Variants in KNSTRN observed in about 807,000 individuals in gnomAD.
The protein encoded by KNSTRN is small kinetochore-associated protein.
A neutral mutation model predicts 44.7 loss-of-function variants in KNSTRN; 38 were observed. The ratio of observed to expected loss-of-function variants is 0.85; its 90% CI spans 0.66 to 1.11. The LOEUF (loss-of-function observed/expected upper bound fraction) is 1.11. KNSTRN is among the 50% of genes most tolerant of loss of function. The pLI, the probability that KNSTRN is intolerant of heterozygous loss-of-function variation, is 0.00. For missense variants in KNSTRN, 406 were observed against 375.8 expected (o/e 1.08, Z -0.66); for synonymous variants, 158 against 148.1 (o/e 1.07, Z -0.48).
intron 4 of KNSTRN, chr15:40,389,163 T>TA: frequency 2.2e-6 from 1 of 459,322 alleles, no homozygotes; most frequent in South Asian, 1.6e-5. Flanking sequence ...CTTTTTTTTT[T>TA]AGACGGAGTT....
rs761530012 is a variant in KNSTRN, at chr15:40,389,884, C to T, written c.640C>T (p.Arg214Trp). The change falls in exon 6 of 9, where the codon CGG (arginine) becomes TGG (tryptophan). Residue 214 changes from arginine (R) to tryptophan (W), a missense_variant. Transcript: ENST00000249776. ...GAAGGTAGAGCTGCTGGAGAAGTTT[C>T]GGGACAACTGTTTGGCAATTTTGGA... is the stretch of plus-strand genomic sequence containing the variant. ...TQKVELLEKF[R>W]DNCLAILESK... is the part of the protein sequence containing the mutation. The T allele has an allele frequency of 9.3e-6, 15 of 1,614,048 alleles. No homozygotes were observed. Among genetic ancestry groups the T allele is most frequent in the Admixed American group, 6.7e-5 (4 of 60,002 alleles).
chr15:40,383,288 GC>G lies in KNSTRN; in HGVS notation c.276del (p.Ser93LeufsTer3), dbSNP rs746725876. The G allele has an allele frequency of 2.5e-6, 4 of 1,613,768 alleles. No individual in the cohort carries two copies. The South Asian group carries it at 4.4e-5, about 18-fold the overall frequency. ...SVVKTVYSLQ[P>X]PSALSGGQPA... ...TGGTTAAGACAGTGTATAGCCTGCA[GC>G]CCCCCTCTGCGCTGAGCGGCGGCCA... is the stretch of plus-strand genomic sequence containing the variant. On this transcript the variant is annotated frameshift_variant, in exon 2 of 9. Coordinates refer to ENST00000249776, the MANE Select transcript of KNSTRN (RefSeq NM_033286.4). LOFTEE classifies it high-confidence loss of function.
intron 2 of KNSTRN, chr15:40,384,647 A>C (rs576829459): frequency 2.8e-4 from 87 of 314,696 alleles, no homozygotes; most frequent in African/African-American, 1.8e-3. Context: ...CTTTATGATC[A>C]TATGTAACTG....
intron 6 of KNSTRN, 44 bp from the exon 7 acceptor site, chr15:40,391,449 G>T (rs996090953): frequency 4.7e-6 from 7 of 1,488,736 alleles, no homozygotes; most frequent in East Asian, 4.5e-5. Context: ...TTTGTTTAGG[G>T]TGTGTAGTTC....
intron 5 of KNSTRN, 46 bp from the exon 6 acceptor site, chr15:40,389,790 T>C: frequency 1.3e-6 from 2 of 1,576,148 alleles, no homozygotes; most frequent in Non-Finnish European, 8.7e-7. Context: ...CAACCACCCC[T>C]AGGGAGTTGG....
rs751499147 is a variant in KNSTRN, at chr15:40,383,023, G to A, written c.188G>A (p.Gly63Glu). 3 of 1,611,218 alleles carry A rather than the reference G, an allele frequency of 1.9e-6. No homozygotes were observed. The highest frequency in any genetic ancestry group is 2.2e-5 in the East Asian group (1 of 44,886). Residue 63 changes from glycine (G) to glutamate (E), a missense_variant, in exon 1 of 9, where the codon GGG (glycine) becomes GAG (glutamate). Coordinates refer to ENST00000249776, the MANE Select transcript of KNSTRN (RefSeq NM_033286.4). ...NLLNESEKDCGQDRRAPGVQP... is the reference protein window; with the variant it reads ...NLLNESEKDCEQDRRAPGVQP... ...TTAAACGAGAGCGAGAAGGACTGCG[G>A]GCAGGACCGGCGGGCTCCTGGGTTC...
chr15:40,383,384 G>A lies in KNSTRN; in HGVS notation c.304+62G>A, dbSNP rs1323293906. On this transcript the variant is annotated intron_variant, in intron 2 of 8. Coordinates refer to ENST00000249776, the MANE Select transcript of KNSTRN (RefSeq NM_033286.4). Reference sequence around the variant, plus strand: ...GGCCGGGGATGGTCTCGGGAGTGTGGAGATCGAATGGGTGGCGCGGGCACG... The same window carrying A: ...GGCCGGGGATGGTCTCGGGAGTGTGAAGATCGAATGGGTGGCGCGGGCACG... The A allele has an allele frequency of 3.8e-6, 5 of 1,309,962 alleles. No individual in the cohort carries two copies. The African/African-American group carries it at 5.8e-5, about 15-fold the overall frequency. 81.1% of individuals were successfully genotyped at this position (1,309,962 alleles called of 1,614,324 possible). A position where few individuals can be genotyped will look rare whatever the true frequency, so the allele number is the denominator to read the frequency against.
At chr15:40,389,231 C>T in intron 4 of KNSTRN, 1 of 481,324 alleles carries the variant, frequency 2.1e-6, no homozygotes, top group Non-Finnish European at 4.0e-6. Context: ...TCACCACAAC[C>T]TCCGCCTCCT....
chr15:40,382,781 T>G lies in KNSTRN; in HGVS notation c.-55T>G. 2.0e-6 allele frequency: 3 copies of G among 1,519,746 alleles called. No homozygotes were observed. The highest frequency in any genetic ancestry group is 1.8e-6 in the Non-Finnish European group (2 of 1,113,778). The allele number at this position is 1,519,746 out of a possible 1,614,324, so 94.1% of individuals were successfully genotyped here. On this transcript the variant is annotated 5_prime_UTR_variant, in exon 1 of 9. Transcript: ENST00000249776. ...TCCTCCTCTGCCCAGACCTGGGGGC[T>G]CCAACACCTTTCGCTAGGTCTGGCT... is the stretch of plus-strand genomic sequence containing the variant.
chr15:40,387,787 C>T (rs111754998), intron 4 of KNSTRN, among the ~76,000 whole-genome samples: 14,720 of 152,220 alleles, frequency 0.097, 990 homozygotes, highest in Non-Finnish European at 0.13. Flanking sequence ...GTGGGTGGAT[C>T]ACCTGAGGTC....
At chr15:40,385,373 CAAG>C (rs1362263464) in intron 2 of KNSTRN, among the ~76,000 whole-genome samples, 1 of 152,106 alleles carries the variant, frequency 6.6e-6, no homozygotes, top group African/African-American at 2.4e-5. Flanking sequence ...GGTTATCTGG[CAAG>C]AAGATCAGAT....
intron 2 of KNSTRN, among the ~76,000 whole-genome samples, chr15:40,385,283 G>A (rs183709635): frequency 3.3e-5 from 5 of 152,354 alleles, no homozygotes; most frequent in Non-Finnish European, 7.3e-5. Context: ...GATAGATTGT[G>A]TGGTTGCGGG....
At position 40,382,981 on chromosome 15, in the gene KNSTRN, T is replaced by C. The variant is rs1889836853; in HGVS notation, c.146T>C (p.Val49Ala). The C allele has an allele frequency of 6.2e-7, 1 of 1,612,042 alleles. No homozygotes were observed. The highest frequency in any genetic ancestry group is 1.3e-5 in the African/African-American group (1 of 74,866). Reference sequence around the variant, plus strand: ...GCCGACTTAGCCGGTGGCACGACAGTTGCTGCAGGGAATCTTTTAAACGAG... The same window carrying C: ...GCCGACTTAGCCGGTGGCACGACAGCTGCTGCAGGGAATCTTTTAAACGAG... ...QAADLAGGTT[V>A]AAGNLLNESE... Residue 49 changes from valine to alanine, a missense_variant, in exon 1 of 9, where the codon GTT becomes GCT. Physicochemically the swap from Val to Ala is moderately conservative, Grantham distance 64 (BLOSUM62 0). Transcript: ENST00000249776.
intron 2 of KNSTRN, 22 bp downstream of exon 2, chr15:40,383,344 G>C: frequency 6.3e-7 from 1 of 1,580,094 alleles, no homozygotes; most frequent in Non-Finnish European, 8.7e-7. Flanking sequence ...AGCCACGCCC[G>C]GGGCACTGCG....
intron 2 of KNSTRN, chr15:40,384,671 T>G (rs924315575): frequency 3.8e-6 from 1 of 263,258 alleles, no homozygotes; most frequent in Non-Finnish European, 7.8e-6. Context: ...CAGTTTCAAA[T>G]TTTTAGGCTG....
chr15:40,393,440 G>T (rs200872015), intron 8 of KNSTRN, 29 bp from the exon 9 acceptor site: 3 of 1,607,382 alleles, frequency 1.9e-6, no homozygotes, highest in African/African-American at 1.3e-5. Flanking sequence ...TGTATGTGTT[G>T]TTTTCTTTTG....
chr15:40,392,728 A>G (rs1890021529), intron 8 of KNSTRN, among the ~76,000 whole-genome samples: 1 of 152,142 alleles, frequency 6.6e-6, no homozygotes, highest in African/African-American at 2.4e-5. Flanking sequence ...TTCTTGCCTC[A>G]GTCTCCCAAG....
At chr15:40,385,735 A>G (rs1889890177) in intron 2 of KNSTRN, among the ~76,000 whole-genome samples, 1 of 152,210 alleles carries the variant, frequency 6.6e-6, no homozygotes, top group Admixed American at 6.5e-5. Flanking sequence ...AGATGGTACA[A>G]GGATTCAGGC....
At position 40,391,729 on chromosome 15, in the gene KNSTRN, A is replaced by G. The variant is rs566178143; in HGVS notation, c.747+175A>G. On this transcript the variant is annotated intron_variant, in intron 7 of 8. Coordinates refer to ENST00000249776, the MANE Select transcript of KNSTRN (RefSeq NM_033286.4). ...AAATAGCATATTTTACTTGAAAGGT[A>G]GCTTTGTGCTTACAAATATAAGTGA... 247 of 670,992 alleles carry G rather than the reference A, an allele frequency of 3.7e-4. 2 individuals carry two copies. The South Asian group carries it at 4.6e-3, about 13-fold the overall frequency. 41.6% of individuals were successfully genotyped at this position (670,992 alleles called of 1,614,324 possible).
Sources: gnomAD v4.1 joint callset for allele counts (sites outside exome capture counted in the v4.1 genomes callset) on GRCh38, gnomAD v4.1.1 for gene constraint, MANE v1.5 for transcripts, NCBI Gene and HGNC (gene_info 2026-07-23, HGNC 2026-07-21) for gene names.